The following NUP210L variants were observed in gnomAD, a reference collection of about 807,000 sequenced individuals.
NUP210L encodes the protein nuclear pore membrane glycoprotein 210-like.
NUP210L carries 74 observed loss-of-function variants against 208.5 expected under a neutral mutation model. The ratio of observed to expected loss-of-function variants is 0.35; its 90% CI spans 0.29 to 0.43. The LOEUF is 0.43. NUP210L is among the 20% of genes least tolerant of loss of function. NUP210L has a pLI of 1.00. For synonymous variants in NUP210L, 780 were observed against 816.9 expected, an observed-to-expected ratio of 0.95 and a Z score of 0.77; for missense variants, 1,843 against 2,289.4, an observed-to-expected ratio of 0.81 and a Z score of 3.98.
intron 24 of NUP210L, 64 bp from the exon 25 acceptor site, chr1:154,054,471 A>G: frequency 6.5e-7 from 1 of 1,530,420 alleles, no homozygotes; most frequent in Non-Finnish European, 9.0e-7. Flanking sequence ...TCTTTTCCCA[A>G]CATTTTGTCC....
chr1:154,127,437 C>A lies in NUP210L; in HGVS notation c.1079-20G>T. 1 of 1,185,168 alleles carries A rather than the reference C, an allele frequency of 8.4e-7. No homozygotes were observed. The highest frequency in any genetic ancestry group is 1.2e-6 in the Non-Finnish European group (1 of 815,076). 73.4% of individuals were successfully genotyped at this position (1,185,168 alleles called of 1,614,324 possible). A position where few individuals can be genotyped will look rare whatever the true frequency, so the allele number is the denominator to read the frequency against. On this transcript the variant is annotated intron_variant, in intron 8 of 39. Transcript: ENST00000368559. ...TGAAACCTATACACAAATCAAGAAA[C>A]AAAAATATTAGAAGAGGCTAACATT...
chr1:154,030,500 G>A (rs948109697), intron 27 of NUP210L, among the ~76,000 whole-genome samples: 2 of 152,028 alleles, frequency 1.3e-5, no homozygotes, highest in Non-Finnish European at 2.9e-5. Context: ...GTTTCGCCAT[G>A]TTGCTCAGGC....
At chr1:154,127,709 C>A (rs952690854) in intron 8 of NUP210L, among the ~76,000 whole-genome samples, 2 of 152,002 alleles carry the variant, frequency 1.3e-5, no homozygotes, top group Non-Finnish European at 1.5e-5. Flanking sequence ...CGTTACCATG[C>A]ATGCTCAGCT....
At chr1:154,134,632 G>C (rs1282481305) in intron 7 of NUP210L, among the ~76,000 whole-genome samples, 1 of 147,430 alleles carries the variant, frequency 6.8e-6, no homozygotes. Context: ...AGCTACTCGG[G>C]AGGCTGAGGC....
rs942249746 is a variant in NUP210L at position 154,054,916 on chromosome 1, T to C, written c.3241-84A>G. The C allele has an allele frequency of 7.2e-6, 7 of 967,322 alleles. No individual in the cohort carries two copies. The Admixed American group carries it at 1.0e-4, about 14-fold the overall frequency. 59.9% of individuals were successfully genotyped at this position (967,322 alleles called of 1,614,324 possible). ...TCATGGTCATTTAAATTTTTTTTTT[T>C]TTTAGACAGAGTCTTGCTCTGTTGC... On this transcript the variant is annotated intron_variant, in intron 23 of 39. Coordinates refer to ENST00000368559, the Ensembl canonical transcript of NUP210L.
At chr1:154,046,805 C>A (rs540146053) in intron 25 of NUP210L, among the ~76,000 whole-genome samples, 120 of 152,314 alleles carry the variant, frequency 7.9e-4, no homozygotes, top group African/African-American at 2.7e-3. Flanking sequence ...TGGCTCACGC[C>A]TGTAATCCCA....
intron 25 of NUP210L, among the ~76,000 whole-genome samples, chr1:154,047,443 G>A (rs76418738): frequency 0.57 from 86,849 of 151,798 alleles, 25,740 homozygotes; most frequent in East Asian, 0.95. Context: ...ACTGTGACAT[G>A]TTCGTTATGG....
chr1:154,009,489 A>G (rs1650774212), intron 35 of NUP210L, among the ~76,000 whole-genome samples: 1 of 152,002 alleles, frequency 6.6e-6, no homozygotes, highest in South Asian at 2.1e-4. Context: ...CATGTGTTAA[A>G]ACTTATTTGA....
chr1:153,998,553 C>CAA (rs566361453), intron 37 of NUP210L, among the ~76,000 whole-genome samples: 10 of 53,760 alleles, frequency 1.9e-4, no homozygotes, highest in South Asian at 5.8e-4. Flanking sequence ...GGTTCTGTCT[C>CAA]AAAAAAAAAA....
intron 16 of NUP210L, among the ~76,000 whole-genome samples, chr1:154,082,019 T>C (rs995940263): frequency 2.0e-5 from 3 of 152,166 alleles, no homozygotes; most frequent in Admixed American, 6.6e-5. Flanking sequence ...CTCAGTGGAA[T>C]TTCCTGTTTG....
intron 16 of NUP210L, among the ~76,000 whole-genome samples, chr1:154,084,783 T>C (rs1181789228): frequency 2.9e-5 from 4 of 137,266 alleles, no homozygotes; most frequent in Non-Finnish European, 6.5e-5. Context: ...GGGACCCATA[T>C]TTCTTTAAAA....
chr1:154,015,013 TAAATA>T (rs1651159357), intron 33 of NUP210L, among the ~76,000 whole-genome samples: 1 of 151,952 alleles, frequency 6.6e-6, no homozygotes, highest in East Asian at 1.9e-4. Flanking sequence ...TAAAAATAAA[TAAATA>T]AAATAAAACA....
chr1:154,117,041 A>G (rs1370407875), intron 12 of NUP210L, among the ~76,000 whole-genome samples: 2 of 152,216 alleles, frequency 1.3e-5, no homozygotes, highest in African/African-American at 4.8e-5. Context: ...ACTGTAACAA[A>G]TGCTCAAAAT....
intron 2 of NUP210L, among the ~76,000 whole-genome samples, chr1:154,146,866 G>A (rs745326861): frequency 6.6e-6 from 1 of 152,012 alleles, no homozygotes; most frequent in Non-Finnish European, 1.5e-5. Flanking sequence ...CTCTGTCACC[G>A]AGGCTGGAGA....
At chr1:154,090,472 C>G (rs950471736) in intron 15 of NUP210L, among the ~76,000 whole-genome samples, 2 of 152,076 alleles carry the variant, frequency 1.3e-5, no homozygotes, top group Non-Finnish European at 2.9e-5. Context: ...TGATAAAAGC[C>G]TTACCACAGT....
At chr1:154,066,985 G>T (rs564282568) in intron 17 of NUP210L, among the ~76,000 whole-genome samples, 1 of 152,074 alleles carries the variant, frequency 6.6e-6, no homozygotes, top group Non-Finnish European at 1.5e-5. Context: ...AGGACCAGAC[G>T]GATTCACAGC....
intron 17 of NUP210L, among the ~76,000 whole-genome samples, chr1:154,065,562 C>T (rs113976610): frequency 7.9e-4 from 120 of 152,168 alleles, no homozygotes; most frequent in African/African-American, 2.3e-3. Context: ...TAAAAGGTGA[C>T]ACGTGATAAA....
At chr1:154,089,724 C>T in intron 15 of NUP210L, 130 bp from the exon 16 acceptor site, 1 of 695,540 alleles carries the variant, frequency 1.4e-6, no homozygotes, top group Non-Finnish European at 2.5e-6. Context: ...TCCGGCAAAT[C>T]CCTTAAAGAC....
intron 35 of NUP210L, among the ~76,000 whole-genome samples, chr1:154,004,487 C>T (rs963652380): frequency 1.2e-4 from 19 of 152,074 alleles, no homozygotes; most frequent in African/African-American, 4.1e-4. Context: ...CCTGCCTCAG[C>T]CTCCCACGTA....
Sources: gnomAD v4.1 joint callset for allele counts (sites outside exome capture counted in the v4.1 genomes callset) on GRCh38, gnomAD v4.1.1 for gene constraint, MANE v1.5 for transcripts, NCBI Gene and HGNC (gene_info 2026-07-23, HGNC 2026-07-21) for gene names.